Variants in WWOX observed in about 807,000 individuals in gnomAD.
WWOX encodes the protein WW domain containing oxidoreductase, also known as WW domain-containing oxidoreductase.
In WWOX, 69 loss-of-function variants were observed where a neutral mutation model predicts 46.2. The ratio of observed to expected loss-of-function variants is 1.49; its 90% confidence interval spans 1.23 to 1.82. The LOEUF (loss-of-function observed/expected upper bound fraction) is 1.82, where lower values mean the gene tolerates loss of function less well. Ranked by LOEUF, WWOX falls within the 40% of genes most tolerant of loss-of-function variation. The pLI is 0.00. For synonymous variants in WWOX, 359 were observed against 202.6 expected, an observed-to-expected ratio of 1.77 and a Z score of -6.56; for missense variants, 919 against 542.6, an observed-to-expected ratio of 1.69 and a Z score of -6.89.
At chr16:78,646,466 C>T (rs1198781345) in intron 8 of WWOX, among the ~76,000 whole-genome samples, 1 of 152,060 alleles carries the variant, frequency 6.6e-6, no homozygotes, top group Admixed American at 6.6e-5. Context: ...TTCACTCTGT[C>T]ACCCAGGCTG....
chr16:78,784,510 C>A (rs1303584749), intron 8 of WWOX, among the ~76,000 whole-genome samples: 1 of 151,854 alleles, frequency 6.6e-6, no homozygotes, highest in Admixed American at 6.6e-5. Flanking sequence ...AGGCTTGTGA[C>A]TTTGAACAAA....
chr16:78,778,076 T>A (rs949427181), intron 8 of WWOX, among the ~76,000 whole-genome samples: 3 of 151,878 alleles, frequency 2.0e-5, no homozygotes, highest in African/African-American at 7.3e-5. Context: ...ACATTTACAT[T>A]TTATCTTTAC....
At chr16:78,323,420 ATAG>A (rs1224898092) in intron 5 of WWOX, among the ~76,000 whole-genome samples, 1 of 152,112 alleles carries the variant, frequency 6.6e-6, no homozygotes, top group Non-Finnish European at 1.5e-5. Flanking sequence ...TCTTGTATTA[ATAG>A]TAGGGAGACA....
At chr16:78,613,560 A>T (rs1474269228) in intron 8 of WWOX, among the ~76,000 whole-genome samples, 1 of 152,138 alleles carries the variant, frequency 6.6e-6, no homozygotes, top group African/African-American at 2.4e-5. Flanking sequence ...GATGGAATTG[A>T]CCCATAGTGG....
chr16:79,139,970 A>G (rs775066504), intron 8 of WWOX, among the ~76,000 whole-genome samples: 2 of 152,178 alleles, frequency 1.3e-5, no homozygotes, highest in African/African-American at 4.8e-5. Context: ...TAGCACCAAC[A>G]TTGGTTCAAA....
intron 5 of WWOX, among the ~76,000 whole-genome samples, chr16:78,224,270 T>C (rs1481426270): frequency 6.6e-6 from 1 of 152,178 alleles, no homozygotes; most frequent in Non-Finnish European, 1.5e-5. Context: ...CCCAAAGTGC[T>C]GGGATTACAG....
At chr16:78,976,839 C>T (rs886568177) in intron 8 of WWOX, among the ~76,000 whole-genome samples, 1 of 152,178 alleles carries the variant, frequency 6.6e-6, no homozygotes, top group Non-Finnish European at 1.5e-5. Flanking sequence ...GGTTCAGTTG[C>T]AAACATGGAG....
intron 5 of WWOX, among the ~76,000 whole-genome samples, chr16:78,191,450 T>C (rs974724110): frequency 2.0e-5 from 3 of 152,240 alleles, no homozygotes; most frequent in African/African-American, 7.2e-5. Context: ...GTTTGGGCTT[T>C]GAAAAATATG....
chr16:78,993,281 G>C (rs2151350662), intron 8 of WWOX, among the ~76,000 whole-genome samples: 1 of 151,980 alleles, frequency 6.6e-6, no homozygotes, highest in Non-Finnish European at 1.5e-5. Context: ...GGGAGGTTGG[G>C]GAAGGGAGGC....
chr16:78,377,744 A>T (rs2081864010), intron 5 of WWOX, among the ~76,000 whole-genome samples: 1 of 152,180 alleles, frequency 6.6e-6, no homozygotes, highest in African/African-American at 2.4e-5. Context: ...GGATTGCAAA[A>T]TATTGCCAAT....
chr16:78,164,918 G>T (rs78777402), intron 5 of WWOX, among the ~76,000 whole-genome samples: 1 of 152,174 alleles, frequency 6.6e-6, no homozygotes, highest in Admixed American at 6.5e-5. Flanking sequence ...CATCAGCAGG[G>T]AGCCTTCCAA....
At chr16:79,186,365 C>T (rs913891756) in intron 8 of WWOX, among the ~76,000 whole-genome samples, 27 of 152,172 alleles carry the variant, frequency 1.8e-4, no homozygotes, top group African/African-American at 5.8e-4. Flanking sequence ...CTCCTTGCTC[C>T]TCTCGCTTCC....
rs8053955 is a variant in WWOX, at chr16:78,415,304, A to T, written c.606-9566A>T. Among the ~76,000 whole-genome samples, 973 of 152,078 alleles carry T rather than the reference A, an allele frequency of 6.4e-3. 10 individuals are homozygous for T. The highest frequency in any genetic ancestry group is 0.023 in the African/African-American group (940 of 41,496). On this transcript the variant is annotated intron_variant, in intron 6 of 8. Coordinates refer to ENST00000566780, the MANE Select transcript of WWOX (RefSeq NM_016373.4). ...TCTCTTAGCGTGCTAATGGATTCAT[A>T]TTAGGGTATAATGAGTAGTAAGGAT... is the stretch of plus-strand genomic sequence containing the variant.
In WWOX at chr16:79,212,281, C is replaced by A; in HGVS notation, c.*485C>A. 2 of 1,171,098 alleles carry A rather than the reference C, an allele frequency of 1.7e-6. No individual in the cohort carries two copies. The highest frequency in any genetic ancestry group is 2.3e-6 in the Non-Finnish European group (2 of 862,058). 72.5% of individuals were successfully genotyped at this position (1,171,098 alleles called of 1,614,324 possible). On this transcript the variant is annotated 3_prime_UTR_variant, in exon 9 of 9. Transcript: ENST00000566780. Reference sequence around the variant, plus strand: ...ATTGTTTCATTCATCCTGACCAAGACTGAGCCAGCTTAGCAACTGCTGGGG... The same window carrying A: ...ATTGTTTCATTCATCCTGACCAAGAATGAGCCAGCTTAGCAACTGCTGGGG...
intron 8 of WWOX, among the ~76,000 whole-genome samples, chr16:78,527,941 G>A (rs1178700295): frequency 1.3e-5 from 2 of 149,132 alleles, no homozygotes; most frequent in Non-Finnish European, 3.0e-5. Flanking sequence ...GAAGCTCTGT[G>A]CCATTGTGCA....
intron 8 of WWOX, among the ~76,000 whole-genome samples, chr16:79,128,332 TAA>T (rs1046497796): frequency 4.5e-5 from 4 of 88,924 alleles, no homozygotes; most frequent in Middle Eastern, 6.2e-3. Flanking sequence ...CCCTAATAGC[TAA>T]GAGTTAAAAA....
At position 78,349,293 on chromosome 16, in the gene WWOX, C is replaced by G. The variant is rs866758991; in HGVS notation, c.517-37567C>G. 2.5e-5 allele frequency among the ~76,000 whole-genome samples: 3 copies of G among 120,368 alleles called. 1 individual carries two copies. The highest frequency in any genetic ancestry group is 5.9e-5 in the Non-Finnish European group (3 of 50,488). 79.0% of individuals were successfully genotyped at this position (120,368 alleles called of 152,430 possible). A position where few individuals can be genotyped will look rare whatever the true frequency, so the allele number is the denominator to read the frequency against. On this transcript the variant is annotated intron_variant, in intron 5 of 8. Coordinates refer to ENST00000566780, the MANE Select transcript of WWOX (RefSeq NM_016373.4). ...GATAGCCTCATTTTTTACATAATCA[C>G]CTCTTTATAGGCCGTACCTCCAAAT...
chr16:79,086,002 G>T (rs926571253), intron 8 of WWOX, among the ~76,000 whole-genome samples: 55 of 151,932 alleles, frequency 3.6e-4, no homozygotes, highest in Admixed American at 5.9e-4. Context: ...CATCCAGGAG[G>T]TTGAGGCTGC....
chr16:78,775,839 C>T (rs62038597), intron 8 of WWOX, among the ~76,000 whole-genome samples: 89 of 152,132 alleles, frequency 5.9e-4, no homozygotes, highest in Non-Finnish European at 1.1e-3. Context: ...GAATGTGATC[C>T]TCCGTTTTAA....
Sources: allele counts gnomAD v4.1 joint callset (sites outside exome capture counted in the v4.1 genomes callset), GRCh38; gene constraint gnomAD v4.1.1; transcripts MANE v1.5; gene names NCBI Gene and HGNC (gene_info 2026-07-23, HGNC 2026-07-21).